The following TBCK variants were observed in gnomAD, a reference collection of about 807,000 sequenced individuals.
TBCK encodes TBC domain-containing protein kinase-like protein.
TBCK carries 99 observed loss-of-function variants against 113.4 expected under a neutral mutation model. That is an observed-to-expected ratio of 0.87 (90% CI 0.74 to 1.03). The LOEUF is 1.03. Among genes scored for constraint, TBCK ranks in the 50% least tolerant of loss-of-function variants. The pLI is 0.00. For synonymous variants in TBCK, 369 were observed against 370.8 expected (o/e 1.00, Z 0.05); for missense variants, 1,045 against 1,061.3 (o/e 0.98, Z 0.21).
At chr4:106,166,923 A>G (rs1234972590) in intron 23 of TBCK, among the ~76,000 whole-genome samples, 2 of 151,152 alleles carry the variant, frequency 1.3e-5, no homozygotes. Context: ...AAAGAGTATA[A>G]AAAACGTCAA....
At chr4:106,085,413 G>A (rs1214148366) in intron 25 of TBCK, among the ~76,000 whole-genome samples, 5 of 152,160 alleles carry the variant, frequency 3.3e-5, no homozygotes, top group African/African-American at 1.2e-4. Flanking sequence ...AGCAAGAAGA[G>A]CTATATTCTG....
In TBCK at chr4:106,227,891, TACAGTA is replaced by T. The variant is rs1162439968; in HGVS notation, c.1774+2466_1774+2471del. ...AATAACACTAGCAAAAACTAGTACT[TACAGTA>T]ACAGTAACATTAAGAAATAAATAAT... On this transcript the variant is annotated intron_variant, in intron 19 of 25. Coordinates refer to ENST00000394708, the MANE Select transcript of TBCK (RefSeq NM_001163435.3). Among the ~76,000 whole-genome samples the T allele has an allele frequency of 7.4e-5, 7 of 94,966 alleles. No homozygotes were observed. In the East Asian group the frequency reaches 1.5e-3, roughly 20 times the overall value. The allele number at this position is 94,966 out of a possible 152,430, so 62.3% of individuals were successfully genotyped here.
At chr4:106,313,868 C>T (rs961529489) in intron 1 of TBCK, among the ~76,000 whole-genome samples, 33 of 152,318 alleles carry the variant, frequency 2.2e-4, no homozygotes, top group Admixed American at 5.9e-4. Flanking sequence ...CTATGTATTA[C>T]ATACTCCAAA....
chr4:106,134,680 C>T (rs1047472744), intron 23 of TBCK, among the ~76,000 whole-genome samples: 4 of 152,178 alleles, frequency 2.6e-5, no homozygotes, highest in African/African-American at 7.2e-5. Context: ...ATGTGTAGTT[C>T]CCAGGACAAT....
chr4:106,246,649 T>G (rs960339241), intron 10 of TBCK, among the ~76,000 whole-genome samples: 2 of 152,114 alleles, frequency 1.3e-5, no homozygotes, highest in Non-Finnish European at 2.9e-5. Context: ...ACAGGCTCAC[T>G]TAAAGATTCA....
intron 19 of TBCK, among the ~76,000 whole-genome samples, chr4:106,218,302 C>T (rs925093061): frequency 2.5e-4 from 37 of 150,582 alleles, no homozygotes; most frequent in Admixed American, 8.6e-4. Context: ...TCAGGACATA[C>T]GCATGGGCAA....
At chr4:106,137,349 G>A (rs1262561991) in intron 23 of TBCK, among the ~76,000 whole-genome samples, 1 of 139,874 alleles carries the variant, frequency 7.1e-6, no homozygotes, top group African/African-American at 2.5e-5. Context: ...GATTTTTAGG[G>A]TAATATTAAT....
chr4:106,168,286 T>C (rs1750619498), intron 23 of TBCK, among the ~76,000 whole-genome samples: 1 of 151,754 alleles, frequency 6.6e-6, no homozygotes, highest in South Asian at 2.1e-4. Flanking sequence ...TTCTACAAAA[T>C]CCAACATGCA....
chr4:106,248,328 T>C (rs1483580942), intron 8 of TBCK, 22 bp from the exon 9 acceptor site: 6 of 1,474,612 alleles, frequency 4.1e-6, no homozygotes, highest in Non-Finnish European at 5.6e-6. Context: ...AGAGAGAAAA[T>C]AATTAATTAA....
chr4:106,312,794 C>T (rs1768339065), intron 1 of TBCK, among the ~76,000 whole-genome samples: 1 of 152,058 alleles, frequency 6.6e-6, no homozygotes, highest in Non-Finnish European at 1.5e-5. Flanking sequence ...TACTCAAAAA[C>T]ATAAAGTTTA....
intron 19 of TBCK, among the ~76,000 whole-genome samples, chr4:106,221,185 C>G (rs1319731993): frequency 1.3e-5 from 2 of 152,034 alleles, no homozygotes; most frequent in African/African-American, 4.8e-5. Context: ...GGGTTTCACC[C>G]TGTTTGCCAG....
intron 19 of TBCK, among the ~76,000 whole-genome samples, chr4:106,218,551 T>A: frequency 1.2e-5 from 1 of 86,760 alleles, no homozygotes; most frequent in East Asian, 3.3e-4. Flanking sequence ...CATCAAAAAG[T>A]GGGCAAAGGA....
chr4:106,208,335 A>G (rs1485938758), intron 20 of TBCK, among the ~76,000 whole-genome samples: 1 of 150,896 alleles, frequency 6.6e-6, no homozygotes, highest in East Asian at 1.9e-4. Context: ...GATCCCTACC[A>G]TTCACCTATT....
chr4:106,062,340 CTA>C (rs1452028646), intron 25 of TBCK, among the ~76,000 whole-genome samples: 3 of 151,812 alleles, frequency 2.0e-5, no homozygotes, highest in South Asian at 4.1e-4. Context: ...ATTCCATCAT[CTA>C]ATATCATTTT....
rs576856921 is a variant in TBCK, at chr4:106,151,341, T to A, written c.2235+19754A>T. On this transcript the variant is annotated intron_variant, in intron 23 of 25. Coordinates refer to ENST00000394708, the MANE Select transcript of TBCK (RefSeq NM_001163435.3). ...TGTACCAATTAACCATTCCCAATTCTCAACACACACCCCACCCCCACTACC... is the reference window on the plus strand; with the variant it reads ...TGTACCAATTAACCATTCCCAATTCACAACACACACCCCACCCCCACTACC... Among the ~76,000 whole-genome samples, 12 of 151,986 alleles carry A rather than the reference T, an allele frequency of 7.9e-5. No individual in the cohort carries two copies. In the South Asian group the frequency reaches 2.3e-3, roughly 29 times the overall value.
At chr4:106,151,313 T>C (rs1368467997) in intron 23 of TBCK, among the ~76,000 whole-genome samples, 1 of 151,914 alleles carries the variant, frequency 6.6e-6, no homozygotes, top group Non-Finnish European at 1.5e-5. Flanking sequence ...TGAACTATTT[T>C]TTTGTACCAA....
chr4:106,308,610 G>A (rs911122476), intron 2 of TBCK, among the ~76,000 whole-genome samples, 158 bp downstream of exon 2: 3 of 152,194 alleles, frequency 2.0e-5, no homozygotes, highest in East Asian at 3.9e-4. Context: ...ATGGGGAAGT[G>A]TACGAGAGAG....
chr4:106,123,637 A>G (rs1197523759), intron 23 of TBCK, among the ~76,000 whole-genome samples: 1 of 152,112 alleles, frequency 6.6e-6, no homozygotes, highest in Non-Finnish European at 1.5e-5. Context: ...ACAAGGCTAC[A>G]GTAACCAAAA....
At chr4:106,206,504 T>G (rs1035768866) in intron 20 of TBCK, among the ~76,000 whole-genome samples, 1 of 152,118 alleles carries the variant, frequency 6.6e-6, no homozygotes, top group East Asian at 1.9e-4. Flanking sequence ...GTTGGGGACA[T>G]AGCAGCTACC....
Sources: gnomAD v4.1 joint callset for allele counts (sites outside exome capture counted in the v4.1 genomes callset) on GRCh38, gnomAD v4.1.1 for gene constraint, MANE v1.5 for transcripts, NCBI Gene and HGNC (gene_info 2026-07-23, HGNC 2026-07-21) for gene names.